KYNU: variants seen among roughly 807,000 people sequenced by gnomAD.
The protein encoded by KYNU is kynureninase, also known as L-kynurenine hydrolase.
Under a neutral mutation model 59.2 loss-of-function variants are expected in KYNU, and 54 were observed. The ratio of observed to expected loss-of-function variants is 0.91; its 90% CI spans 0.73 to 1.14. The LOEUF (loss-of-function observed/expected upper bound fraction) is 1.14, where lower values mean the gene tolerates loss of function less well. KYNU is among the 50% of genes most tolerant of loss of function. The pLI, the probability that KYNU is intolerant of heterozygous loss-of-function variation, is 0.00. For missense variants in KYNU, 567 were observed against 554.4 expected (o/e 1.02, Z -0.23); for synonymous variants, 177 against 192.0 (o/e 0.92, Z 0.65).
At chr2:142,912,371 C>CTTTTTTTTTTT (rs60854220) in intron 2 of KYNU, among the ~76,000 whole-genome samples, 317 of 89,488 alleles carry the variant, frequency 3.5e-3, no homozygotes, top group Non-Finnish European at 4.8e-3. Flanking sequence ...TTTTGTATTT[C>CTTTTTTTTTTT]TTTTTTTTTT....
At position 142,918,730 on chromosome 2, in the gene KYNU, G is replaced by A. The variant is rs751576959; in HGVS notation, c.290+1G>A. The A allele has an allele frequency of 2.5e-6, 4 of 1,610,162 alleles. No individual in the cohort carries two copies. Among genetic ancestry groups the A allele is most frequent in the Non-Finnish European group, 2.5e-6 (3 of 1,177,376 alleles). On this transcript the variant is annotated splice_donor_variant, in intron 3 of 13. Transcript: ENST00000264170. LOFTEE classifies it high-confidence loss of function. ...AAGAACTAGATAAGTGGGCCAAAAT[G>A]TAAGTATTATTTTAAAAGCTACTAC...
intron 11 of KYNU, among the ~76,000 whole-genome samples, chr2:143,031,901 A>G (rs1246653125): frequency 6.6e-6 from 1 of 152,158 alleles, no homozygotes; most frequent in Non-Finnish European, 1.5e-5. Context: ...ACTTACAATC[A>G]TGTCAGAAGG....
intron 2 of KYNU, among the ~76,000 whole-genome samples, chr2:142,914,254 C>T (rs948944560): frequency 6.6e-6 from 1 of 152,210 alleles, no homozygotes; most frequent in Non-Finnish European, 1.5e-5. Flanking sequence ...GAACTTTCCC[C>T]AGGTCTGTAC....
At chr2:143,021,124 T>G (rs1686395629) in intron 10 of KYNU, among the ~76,000 whole-genome samples, 1 of 152,166 alleles carries the variant, frequency 6.6e-6, no homozygotes, top group Non-Finnish European at 1.5e-5. Flanking sequence ...GCCATTTTTC[T>G]TAGATTTTTA....
intron 5 of KYNU, among the ~76,000 whole-genome samples, chr2:142,955,922 T>C (rs1489030313): frequency 6.6e-6 from 1 of 152,132 alleles, no homozygotes; most frequent in Non-Finnish European, 1.5e-5. Flanking sequence ...TTAAGTTTCA[T>C]CAATTAATAT....
chr2:143,052,744 T>C lies in KYNU; in HGVS notation c.*10572T>C, dbSNP rs1188153039. 6.6e-6 allele frequency: 1 copy of C among 152,426 alleles called. No homozygotes were observed. The highest frequency in any genetic ancestry group is 2.4e-5 in the African/African-American group (1 of 41,582). 9.4% of individuals were successfully genotyped at this position (152,426 alleles called of 1,614,324 possible). A position where few individuals can be genotyped will look rare whatever the true frequency, so the allele number is the denominator to read the frequency against. ...ATGCCTGGATGCCCAGGCAGAAGTT[T>C]GCTGCAGGGGCAAGGCCCTCATGGA... On this transcript the variant is annotated 3_prime_UTR_variant, in exon 14 of 14. Coordinates refer to ENST00000264170, the MANE Select transcript of KYNU (RefSeq NM_003937.3).
rs1413614307 is a variant in KYNU, at chr2:143,044,678, TTG to T, written c.*2510_*2511del. On this transcript the variant is annotated 3_prime_UTR_variant, in exon 14 of 14. Coordinates refer to ENST00000264170, the MANE Select transcript of KYNU (RefSeq NM_003937.3). ...ATCCTTCACCCACTTTTTGATGGGGTTGTGTTTTTCTTGTAAATTTATTTAAG... is the reference window on the plus strand; with the variant it reads ...ATCCTTCACCCACTTTTTGATGGGGTTGTTTTTCTTGTAAATTTATTTAAG... 1.3e-5 allele frequency: 2 copies of T among 152,054 alleles called. No homozygotes were observed. The highest frequency in any genetic ancestry group is 4.8e-5 in the African/African-American group (2 of 41,414). The allele number at this position is 152,054 out of a possible 1,614,324, so 9.4% of individuals were successfully genotyped here.
chr2:142,920,770 AT>A, intron 3 of KYNU, among the ~76,000 whole-genome samples: 1 of 152,128 alleles, frequency 6.6e-6, no homozygotes, highest in East Asian at 1.9e-4. Flanking sequence ...CGCTTTGTTT[AT>A]TTTAGTCTTC....
chr2:143,030,782 T>C (rs1032357532), intron 11 of KYNU, among the ~76,000 whole-genome samples: 8 of 96,216 alleles, frequency 8.3e-5, no homozygotes, highest in South Asian at 6.6e-4. Context: ...AAGCCCATCA[T>C]AAGCTGAAAA....
At chr2:143,020,427 T>G (rs1686371258) in intron 10 of KYNU, among the ~76,000 whole-genome samples, 1 of 152,302 alleles carries the variant, frequency 6.6e-6, no homozygotes, top group Admixed American at 6.5e-5. Context: ...TCCATGTATT[T>G]GTACAGTTTC....
intron 2 of KYNU, among the ~76,000 whole-genome samples, chr2:142,896,420 T>C (rs1033981494): frequency 5.9e-5 from 9 of 152,242 alleles, no homozygotes; most frequent in Non-Finnish European, 1.2e-4. Flanking sequence ...TTTCATAAGC[T>C]TATGTACCAT....
intron 10 of KYNU, among the ~76,000 whole-genome samples, chr2:143,002,313 T>C (rs1484420939): frequency 1.3e-5 from 2 of 152,174 alleles, no homozygotes; most frequent in African/African-American, 4.8e-5. Context: ...AATAAAACAT[T>C]AATAAAACCC....
At chr2:142,990,560 C>G (rs934680355) in intron 10 of KYNU, among the ~76,000 whole-genome samples, 1 of 151,802 alleles carries the variant, frequency 6.6e-6, no homozygotes, top group Non-Finnish European at 1.5e-5. Context: ...TGAGGTATTA[C>G]AAATCCATCT....
intron 10 of KYNU, chr2:142,988,948 A>G: frequency 2.1e-6 from 3 of 1,447,338 alleles, no homozygotes; most frequent in Non-Finnish European, 1.9e-6. Flanking sequence ...AGGAAAAGAA[A>G]TGTTTTGCTG....
chr2:143,045,816 C>T lies in KYNU; in HGVS notation c.*3644C>T, dbSNP rs1449455817. The T allele has an allele frequency of 2.6e-5, 4 of 152,034 alleles. No homozygotes were observed. The highest frequency in any genetic ancestry group is 2.6e-4 in the Admixed American group (4 of 15,240). 9.4% of individuals were successfully genotyped at this position (152,034 alleles called of 1,614,324 possible). On this transcript the variant is annotated 3_prime_UTR_variant, in exon 14 of 14. Transcript: ENST00000264170. ...TGCCTGACCAGGAATTGTTTTTCAA[C>T]TTCATAGTGGTAAACAAAACATATG...
intron 3 of KYNU, among the ~76,000 whole-genome samples, chr2:142,925,739 G>C (rs1046022056): frequency 9.2e-5 from 14 of 152,090 alleles, no homozygotes; most frequent in Admixed American, 2.6e-4. Context: ...TTTATACCTT[G>C]GAAATCTGCA....
At chr2:142,927,789 AT>A (rs1683091990) in intron 4 of KYNU, 48 bp downstream of exon 4, 2 of 1,251,220 alleles carry the variant, frequency 1.6e-6, no homozygotes, top group African/African-American at 2.9e-5. Flanking sequence ...TAAAGATGTT[AT>A]CATTTAGTTA....
chr2:143,028,326 A>G (rs1159409124), intron 10 of KYNU, among the ~76,000 whole-genome samples: 1 of 137,182 alleles, frequency 7.3e-6, no homozygotes, highest in Non-Finnish European at 1.5e-5. Flanking sequence ...GCTCACTGCA[A>G]CCTCCCCCTC....
At chr2:142,930,510 T>C (rs1431882096) in intron 4 of KYNU, among the ~76,000 whole-genome samples, 1 of 152,096 alleles carries the variant, frequency 6.6e-6, no homozygotes, top group Admixed American at 6.5e-5. Flanking sequence ...AGGCTAGAAA[T>C]TCATGATCAA....
Sources: allele counts gnomAD v4.1 joint callset (sites outside exome capture counted in the v4.1 genomes callset), GRCh38; gene constraint gnomAD v4.1.1; transcripts MANE v1.5; gene names NCBI Gene and HGNC (gene_info 2026-07-23, HGNC 2026-07-21).